The following MECOM variants were observed in gnomAD, a reference collection of about 807,000 sequenced individuals.
The protein encoded by MECOM is MDS1 and EVI1 complex locus.
In MECOM, 13 loss-of-function variants were observed where a neutral mutation model predicts 116.3. The observed-to-expected ratio is 0.11, with a 90% CI of 0.07 to 0.18. The LOEUF is 0.18. Among genes scored for constraint, MECOM ranks in the 10% least tolerant of loss-of-function variants. The pLI is 1.00. For synonymous variants in MECOM, 528 were observed against 535.2 expected, an observed-to-expected ratio of 0.99 and a Z score of 0.19; for missense variants, 1,299 against 1,509.0, an observed-to-expected ratio of 0.86 and a Z score of 2.31.
intron 2 of MECOM, among the ~76,000 whole-genome samples, chr3:169,307,927 G>A (rs1446551134): frequency 6.6e-6 from 1 of 152,058 alleles, no homozygotes. Flanking sequence ...CCCTACTCAT[G>A]GTGTTCTACT....
intron 1 of MECOM, among the ~76,000 whole-genome samples, chr3:169,658,448 G>C (rs554542114): frequency 6.6e-6 from 1 of 152,220 alleles, no homozygotes; most frequent in African/African-American, 2.4e-5. Flanking sequence ...AAGCCAAGAC[G>C]TGTGTGGGTG....
intron 2 of MECOM, among the ~76,000 whole-genome samples, chr3:169,276,445 C>A (rs1185851434): frequency 1.3e-5 from 2 of 149,276 alleles, no homozygotes; most frequent in Non-Finnish European, 3.0e-5. Flanking sequence ...CCCACCTACT[C>A]GGGAGGCTGA....
chr3:169,542,019 T>C lies in MECOM; in HGVS notation c.37+121317A>G, dbSNP rs529522732. 1.8e-4 allele frequency among the ~76,000 whole-genome samples: 27 copies of C among 152,286 alleles called. No homozygotes were observed. In the East Asian group the frequency reaches 4.8e-3, roughly 27 times the overall value. The stretch of plus-strand genomic sequence containing the variant: ...TTCTTGTATTACTAGAAGGATTATA[T>C]AAAAGATGTTAAAACGTATTTCTAC... On this transcript the variant is annotated intron_variant, in intron 1 of 16. Coordinates refer to ENST00000651503, the MANE Select transcript of MECOM (RefSeq NM_004991.4).
At chr3:169,385,908 C>G (rs891136599) in intron 1 of MECOM, among the ~76,000 whole-genome samples, 4 of 152,104 alleles carry the variant, frequency 2.6e-5, no homozygotes, top group African/African-American at 9.7e-5. Context: ...AGATAAATAA[C>G]ACTTGTAACT....
chr3:169,507,912 G>A (rs1193858600), intron 1 of MECOM, among the ~76,000 whole-genome samples: 2 of 151,250 alleles, frequency 1.3e-5, no homozygotes, highest in African/African-American at 2.4e-5. Flanking sequence ...TGCCCGCCTC[G>A]GCCTCCCAAA....
intron 2 of MECOM, among the ~76,000 whole-genome samples, chr3:169,230,244 A>C (rs1753208060): frequency 8.6e-6 from 1 of 116,446 alleles, no homozygotes; most frequent in Non-Finnish European, 2.0e-5. Context: ...TTAGTGCCAA[A>C]AAGAAAAAAA....
chr3:169,475,830 C>T (rs192037489), intron 1 of MECOM, among the ~76,000 whole-genome samples: 1 of 152,194 alleles, frequency 6.6e-6, no homozygotes, highest in African/African-American at 2.4e-5. Context: ...ACATCAGTTG[C>T]TGCTAGTTAG....
intron 12 of MECOM, among the ~76,000 whole-genome samples, chr3:169,097,352 T>C (rs945437459): frequency 3.9e-5 from 6 of 151,988 alleles, no homozygotes; most frequent in Admixed American, 3.3e-4. Context: ...AAAAAGAATG[T>C]TCTAAATAAA....
intron 1 of MECOM, among the ~76,000 whole-genome samples, chr3:169,473,224 A>C (rs1396854396): frequency 6.6e-6 from 1 of 152,150 alleles, no homozygotes; most frequent in African/African-American, 2.4e-5. Context: ...GTACTTTTGA[A>C]ACTTCTCTGG....
At position 169,112,840 on chromosome 3, in the gene MECOM, C is replaced by A; in HGVS notation, c.2524G>T (p.Ala842Ser). The A allele has an allele frequency of 6.2e-7, 1 of 1,613,026 alleles. No homozygotes were observed. The highest frequency in any genetic ancestry group is 8.5e-7 in the Non-Finnish European group (1 of 1,179,380). ...GGCCTCAAGTATTTCTCTTTTAAAG[C>A]TTCAAGTGGGTCAGTTAGTTTTCTT... Reference protein sequence around the residue: ...EKRKLTDPLEALKEKYLRPSP... With the variant: ...EKRKLTDPLESLKEKYLRPSP... The change falls in exon 9 of 17, where the codon GCT (alanine) becomes TCT (serine). Residue 842 changes from alanine to serine, a missense_variant. Ala to Ser is a moderately conservative substitution (Grantham distance 99). Transcript: ENST00000651503.
chr3:169,271,967 G>A (rs1410200662), intron 2 of MECOM, among the ~76,000 whole-genome samples: 1 of 151,974 alleles, frequency 6.6e-6, no homozygotes, highest in Non-Finnish European at 1.5e-5. Context: ...CTACCCTATA[G>A]GCATAAACTT....
chr3:169,194,745 C>G (rs150167743), intron 2 of MECOM, among the ~76,000 whole-genome samples: 1 of 152,164 alleles, frequency 6.6e-6, no homozygotes, highest in African/African-American at 2.4e-5. Context: ...TTTGCCACTC[C>G]AAGTTGCAGT....
chr3:169,236,294 A>G (rs991427719), intron 2 of MECOM, among the ~76,000 whole-genome samples: 17 of 152,218 alleles, frequency 1.1e-4, no homozygotes, highest in African/African-American at 1.9e-4. Flanking sequence ...TCCAGCACAT[A>G]AAACTTGGAA....
chr3:169,295,651 T>C (rs1446743471), intron 2 of MECOM, among the ~76,000 whole-genome samples: 1 of 152,322 alleles, frequency 6.6e-6, no homozygotes, highest in Non-Finnish European at 1.5e-5. Flanking sequence ...TGAACATCAA[T>C]GTTACCTACC....
chr3:169,429,429 G>T (rs1221556885), intron 1 of MECOM, among the ~76,000 whole-genome samples: 1 of 152,188 alleles, frequency 6.6e-6, no homozygotes, highest in African/African-American at 2.4e-5. Context: ...GATGCAAGCT[G>T]CAAAATGGAA....
intron 2 of MECOM, among the ~76,000 whole-genome samples, chr3:169,160,150 T>A (rs1207037076): frequency 2.0e-5 from 3 of 152,158 alleles, no homozygotes; most frequent in African/African-American, 7.2e-5. Flanking sequence ...AATTTGCTTC[T>A]GAGAAACAGA....
At chr3:169,375,750 A>G (rs999967133) in intron 2 of MECOM, among the ~76,000 whole-genome samples, 1 of 152,312 alleles carries the variant, frequency 6.6e-6, no homozygotes, top group African/African-American at 2.4e-5. Context: ...TACCAGAGGT[A>G]CAAAGAGGAG....
intron 2 of MECOM, chr3:169,147,482 C>T (rs1190858050): frequency 4.1e-6 from 4 of 985,356 alleles, no homozygotes; most frequent in Non-Finnish European, 4.8e-6. Context: ...GATCGGAAGC[C>T]AGACGGGCTC....
At chr3:169,395,359 C>T (rs1734863750) in intron 1 of MECOM, among the ~76,000 whole-genome samples, 1 of 152,156 alleles carries the variant, frequency 6.6e-6, no homozygotes, top group African/African-American at 2.4e-5. Context: ...CCTTTTTCTC[C>T]TTCTCTAAAT....
Sources: gnomAD v4.1 joint callset for allele counts (sites outside exome capture counted in the v4.1 genomes callset) on GRCh38, gnomAD v4.1.1 for gene constraint, MANE v1.5 for transcripts, NCBI Gene and HGNC (gene_info 2026-07-23, HGNC 2026-07-21) for gene names.